MKLN1: variants seen among roughly 807,000 people sequenced by gnomAD.
MKLN1 encodes muskelin.
Under a neutral mutation model 99.0 loss-of-function variants are expected in MKLN1, and 18 were observed. The observed-to-expected ratio is 0.18, with a 90% confidence interval of 0.13 to 0.27. The LOEUF (loss-of-function observed/expected upper bound fraction) is 0.27. MKLN1 is among the 10% of genes least tolerant of loss of function. MKLN1 has a pLI of 1.00. For missense variants in MKLN1, 621 were observed against 875.9 expected (o/e 0.71, Z 3.67); for synonymous variants, 288 against 293.2 (o/e 0.98, Z 0.18).
intron 1 of MKLN1, among the ~76,000 whole-genome samples, chr7:131,328,461 T>C (rs1798962472): frequency 6.6e-6 from 1 of 152,164 alleles, no homozygotes; most frequent in East Asian, 1.9e-4. Context: ...GGAGTGTCTA[T>C]TCCAGAGTGG....
At chr7:131,371,050 A>T (rs1416430288) in intron 1 of MKLN1, among the ~76,000 whole-genome samples, 1 of 152,106 alleles carries the variant, frequency 6.6e-6, no homozygotes, top group Non-Finnish European at 1.5e-5. Flanking sequence ...TATGAGCTTT[A>T]AGTTACAGGT....
chr7:131,130,911 G>A (rs1363544595), intron 1 of MKLN1, among the ~76,000 whole-genome samples: 1 of 151,876 alleles, frequency 6.6e-6, no homozygotes, highest in Admixed American at 6.6e-5. Context: ...AATTAGCTGG[G>A]TATGGTGGCA....
intron 16 of MKLN1, among the ~76,000 whole-genome samples, chr7:131,476,230 A>T (rs1796961912): frequency 6.6e-6 from 1 of 152,222 alleles, no homozygotes; most frequent in South Asian, 2.1e-4. Context: ...TTTCCCTAAG[A>T]TTGTGACAAG....
At chr7:131,293,478 G>A (rs568319562) in intron 3 of MKLN1, among the ~76,000 whole-genome samples, 23 of 152,168 alleles carry the variant, frequency 1.5e-4, no homozygotes, top group Admixed American at 3.3e-4. Context: ...TGTATAGTGA[G>A]AGACATTCTG....
chr7:131,233,727 T>C (rs1797276115), intron 3 of MKLN1, among the ~76,000 whole-genome samples: 1 of 152,024 alleles, frequency 6.6e-6, no homozygotes, highest in African/African-American at 2.4e-5. Context: ...ATTGAGACTT[T>C]TAAAAATCTT....
intron 3 of MKLN1, among the ~76,000 whole-genome samples, chr7:131,290,739 A>G (rs895301537): frequency 6.6e-6 from 1 of 152,242 alleles, no homozygotes; most frequent in East Asian, 1.9e-4. Context: ...CTCCCCAAAG[A>G]TATTTAAAGG....
At chr7:131,413,945 C>A (rs1383950264) in intron 7 of MKLN1, among the ~76,000 whole-genome samples, 1 of 152,132 alleles carries the variant, frequency 6.6e-6, no homozygotes, top group Admixed American at 6.6e-5. Context: ...TGTATTTAAA[C>A]CTGCCTATTA....
In MKLN1 at chr7:131,158,117, G is replaced by T. The variant is rs530529050; in HGVS notation, c.-297+15176G>T. Among the ~76,000 whole-genome samples the T allele has an allele frequency of 2.0e-5, 3 of 152,168 alleles. No homozygotes were observed. The South Asian group carries it at 6.2e-4, about 31-fold the overall frequency. Reference sequence around the variant, plus strand: ...ATTTCTCATTGTACCCGTAAGTACAGAACACATATTGCACAATACGAAAGA... The same window carrying T: ...ATTTCTCATTGTACCCGTAAGTACATAACACATATTGCACAATACGAAAGA... On this transcript the variant is annotated intron_variant, in intron 2 of 7. Transcript: ENST00000416992.
At chr7:131,201,794 A>G (rs1796732192) in intron 2 of MKLN1, among the ~76,000 whole-genome samples, 1 of 152,174 alleles carries the variant, frequency 6.6e-6, no homozygotes, top group African/African-American at 2.4e-5. Flanking sequence ...GAGTGTTGCT[A>G]AGTTATCTGA....
intron 2 of MKLN1, among the ~76,000 whole-genome samples, chr7:131,192,918 T>G (rs910953562): frequency 4.6e-5 from 7 of 152,156 alleles, no homozygotes; most frequent in Non-Finnish European, 1.0e-4. Flanking sequence ...GGGTGGTTAC[T>G]ACTACCCAAA....
chr7:131,279,815 T>A (rs1412494015), intron 3 of MKLN1, among the ~76,000 whole-genome samples: 2 of 151,958 alleles, frequency 1.3e-5, no homozygotes, highest in Admixed American at 6.6e-5. Context: ...TCAAAAATAA[T>A]AATAACAAAA....
At chr7:131,406,312 TAATA>T (rs1794705938) in intron 6 of MKLN1, among the ~76,000 whole-genome samples, 1 of 151,712 alleles carries the variant, frequency 6.6e-6, no homozygotes, top group Non-Finnish European at 1.5e-5. Context: ...TTTATTTTAT[TAATA>T]AATCATTTGA....
intron 2 of MKLN1, among the ~76,000 whole-genome samples, chr7:131,152,120 T>G (rs1004136783): frequency 1.3e-5 from 2 of 152,152 alleles, no homozygotes; most frequent in African/African-American, 4.8e-5. Flanking sequence ...GCCATTAGTT[T>G]GAGCCCAGCC....
intron 6 of MKLN1, among the ~76,000 whole-genome samples, chr7:131,408,908 A>C (rs1794789712): frequency 6.6e-6 from 1 of 152,224 alleles, no homozygotes; most frequent in Non-Finnish European, 1.5e-5. Flanking sequence ...CTAGTTAAAT[A>C]GTTTAAAAAT....
At chr7:131,149,021 G>A (rs1016376795) in intron 2 of MKLN1, among the ~76,000 whole-genome samples, 3 of 152,088 alleles carry the variant, frequency 2.0e-5, no homozygotes, top group Non-Finnish European at 2.9e-5. Context: ...AAAATCAGTC[G>A]CAGGCTCGGA....
chr7:131,471,143 A>G (rs185847328), intron 16 of MKLN1, 199 bp downstream of exon 16: 2 of 487,770 alleles, frequency 4.1e-6, no homozygotes, highest in East Asian at 7.6e-5. Context: ...CAAGTCACCA[A>G]AAACCCTTGG....
chr7:131,451,460 T>C (rs985675225), intron 12 of MKLN1, among the ~76,000 whole-genome samples: 6 of 152,156 alleles, frequency 3.9e-5, no homozygotes, highest in Admixed American at 3.9e-4. Flanking sequence ...AATAGTAAAA[T>C]TACTGCTGTT....
At chr7:131,415,418 T>A (rs991150681) in intron 8 of MKLN1, among the ~76,000 whole-genome samples, 1 of 152,174 alleles carries the variant, frequency 6.6e-6, no homozygotes, top group South Asian at 2.1e-4. Context: ...AAATAATTGC[T>A]TGGAGACTCA....
At chr7:131,204,567 C>T (rs1051856812) in intron 3 of MKLN1, among the ~76,000 whole-genome samples, 1 of 152,196 alleles carries the variant, frequency 6.6e-6, no homozygotes, top group African/African-American at 2.4e-5. Context: ...TGCGGTGGCT[C>T]ACGCCTGTAA....
Sources: allele counts gnomAD v4.1 joint callset (sites outside exome capture counted in the v4.1 genomes callset), GRCh38; gene constraint gnomAD v4.1.1; transcripts MANE v1.5; gene names NCBI Gene and HGNC (gene_info 2026-07-23, HGNC 2026-07-21).